Variants in SLCO5A1 observed in about 807,000 individuals in gnomAD.
SLCO5A1 encodes solute carrier organic anion transporter family member 5A1, also known as organic anion transporter polypeptide-related protein 4.
In SLCO5A1, 39 loss-of-function variants were observed where a neutral mutation model predicts 65.1. The observed-to-expected ratio is 0.60, with a 90% CI of 0.46 to 0.78. The LOEUF is 0.78. Ranked by LOEUF, SLCO5A1 falls within the 30% of genes least tolerant of loss-of-function variation. SLCO5A1 has a pLI of 0.00. For synonymous variants in SLCO5A1, 438 were observed against 415.7 expected (o/e 1.05, Z -0.65); for missense variants, 1,029 against 1,069.4 (o/e 0.96, Z 0.53).
rs185283628 is a variant in SLCO5A1, at chr8:69,725,476, T to A, written c.1423+12564A>T. Among the ~76,000 whole-genome samples the A allele has an allele frequency of 1.1e-4, 17 of 152,200 alleles. No homozygotes were observed. The East Asian group carries it at 2.9e-3, about 26-fold the overall frequency. The stretch of plus-strand genomic sequence containing the variant: ...AAGAATAAAGATGTATGTATGTATG[T>A]ATGTATGTATGTATGTATACACAGA... On this transcript the variant is annotated intron_variant, in intron 5 of 9. Transcript: ENST00000260126.
chr8:69,734,715 G>A lies in SLCO5A1; in HGVS notation c.1423+3325C>T, dbSNP rs192737942. Among the ~76,000 whole-genome samples, 73 of 152,320 alleles carry A rather than the reference G, an allele frequency of 4.8e-4. 1 individual carries two copies. The highest frequency in any genetic ancestry group is 3.4e-3 in the Middle Eastern group (1 of 294). On this transcript the variant is annotated intron_variant, in intron 5 of 9. Coordinates refer to ENST00000260126, the MANE Select transcript of SLCO5A1 (RefSeq NM_030958.3). ...CACAACGCAAACAAATTGCAGTGAA[G>A]GTCAGGGTATGTATCTAAATAATTT...
intron 2 of SLCO5A1, among the ~76,000 whole-genome samples, chr8:69,810,029 TGA>T (rs778737427): frequency 6.6e-6 from 1 of 152,158 alleles, no homozygotes; most frequent in Non-Finnish European, 1.5e-5. Flanking sequence ...TAACCCCCAC[TGA>T]GAATTATAGC....
chr8:69,677,862 T>G (rs1010127835), intron 8 of SLCO5A1, among the ~76,000 whole-genome samples: 7 of 151,992 alleles, frequency 4.6e-5, no homozygotes, highest in Non-Finnish European at 8.8e-5. Context: ...GGAGAAAGAG[T>G]AAGAACTGAC....
intron 2 of SLCO5A1, among the ~76,000 whole-genome samples, chr8:69,824,331 T>A (rs1820776441): frequency 6.6e-6 from 1 of 152,052 alleles, no homozygotes; most frequent in African/African-American, 2.4e-5. Flanking sequence ...AATTAATGAA[T>A]CCAGGAGCTG....
intron 2 of SLCO5A1, among the ~76,000 whole-genome samples, chr8:69,797,204 A>T (rs143066161): frequency 0.011 from 1,689 of 152,334 alleles, 31 homozygotes; most frequent in African/African-American, 0.037. Flanking sequence ...ATCTCTGAAC[A>T]TAAATTGTGA....
intron 2 of SLCO5A1, among the ~76,000 whole-genome samples, chr8:69,792,976 T>C (rs929487700): frequency 6.6e-6 from 1 of 152,036 alleles, no homozygotes; most frequent in East Asian, 1.9e-4. Flanking sequence ...TTTGGTTTTT[T>C]TGTTTTTTGT....
intron 8 of SLCO5A1, among the ~76,000 whole-genome samples, chr8:69,677,873 T>TC (rs1357695770): frequency 1.3e-5 from 2 of 152,100 alleles, no homozygotes; most frequent in African/African-American, 4.8e-5. Flanking sequence ...AAGAACTGAC[T>TC]CCCTTTCTTC....
chr8:69,767,313 A>G (rs1401892942), intron 2 of SLCO5A1, among the ~76,000 whole-genome samples: 1 of 152,162 alleles, frequency 6.6e-6, no homozygotes, highest in Non-Finnish European at 1.5e-5. Context: ...TCAAATATTT[A>G]TATCTGATCT....
chr8:69,748,286 T>G (rs1048145142), intron 4 of SLCO5A1, among the ~76,000 whole-genome samples: 4 of 152,186 alleles, frequency 2.6e-5, no homozygotes, highest in African/African-American at 9.7e-5. Flanking sequence ...CTTGTTTAAA[T>G]CAGCACTCAT....
At chr8:69,764,922 G>A (rs1817983580) in intron 2 of SLCO5A1, among the ~76,000 whole-genome samples, 1 of 152,168 alleles carries the variant, frequency 6.6e-6, no homozygotes. Context: ...GGAGTGGCAA[G>A]CGGGATTGTG....
At chr8:69,781,555 T>C (rs1229159197) in intron 2 of SLCO5A1, among the ~76,000 whole-genome samples, 4 of 152,258 alleles carry the variant, frequency 2.6e-5, no homozygotes, top group Non-Finnish European at 5.9e-5. Context: ...GTCTGTAAGA[T>C]ACTGTGCTAA....
intron 2 of SLCO5A1, among the ~76,000 whole-genome samples, chr8:69,769,181 G>A (rs558038257): frequency 6.6e-4 from 101 of 152,278 alleles, no homozygotes; most frequent in African/African-American, 2.2e-3. Context: ...CTGAGGACTC[G>A]CCTGACCCAC....
chr8:69,721,911 C>T (rs1815838530), intron 5 of SLCO5A1, among the ~76,000 whole-genome samples: 2 of 152,142 alleles, frequency 1.3e-5, no homozygotes, highest in South Asian at 4.1e-4. Context: ...ATAGCTTATG[C>T]CTGTAATCCC....
At chr8:69,824,785 G>C (rs549555084) in intron 2 of SLCO5A1, among the ~76,000 whole-genome samples, 447 of 152,290 alleles carry the variant, frequency 2.9e-3, no homozygotes, top group Non-Finnish European at 4.5e-3. Flanking sequence ...TATGAGACCA[G>C]CATCATCCTG....
chr8:69,796,152 C>T (rs989467658), intron 2 of SLCO5A1, among the ~76,000 whole-genome samples: 2 of 152,148 alleles, frequency 1.3e-5, no homozygotes, highest in Non-Finnish European at 2.9e-5. Context: ...CCTTCAAGGC[C>T]TTCTTCCCAT....
chr8:69,816,930 A>C (rs1820436252), intron 2 of SLCO5A1, among the ~76,000 whole-genome samples: 1 of 152,156 alleles, frequency 6.6e-6, no homozygotes, highest in Admixed American at 6.6e-5. Context: ...TTTGTATCAT[A>C]ATTATTTTTT....
At chr8:69,798,778 G>A (rs1819610954) in intron 2 of SLCO5A1, among the ~76,000 whole-genome samples, 1 of 152,152 alleles carries the variant, frequency 6.6e-6, no homozygotes, top group Non-Finnish European at 1.5e-5. Context: ...AGGAACACGA[G>A]GTGGATGAAG....
intron 5 of SLCO5A1, among the ~76,000 whole-genome samples, chr8:69,712,343 G>T (rs947799867): frequency 2.0e-5 from 3 of 152,092 alleles, no homozygotes; most frequent in Non-Finnish European, 2.9e-5. Context: ...CAATTTTGTG[G>T]CTGCATGGAG....
At chr8:69,767,354 G>A (rs895234971) in intron 2 of SLCO5A1, among the ~76,000 whole-genome samples, 4 of 152,122 alleles carry the variant, frequency 2.6e-5, no homozygotes, top group African/African-American at 9.7e-5. Context: ...TTGACAGCAG[G>A]AATCACATCC....
Sources: allele counts gnomAD v4.1 joint callset (sites outside exome capture counted in the v4.1 genomes callset), GRCh38; gene constraint gnomAD v4.1.1; transcripts MANE v1.5; gene names NCBI Gene and HGNC (gene_info 2026-07-23, HGNC 2026-07-21).